Variants in CPS1 observed in about 807,000 individuals in gnomAD.
CPS1 encodes the protein carbamoyl-phosphate synthase [ammonia], mitochondrial.
In CPS1, 109 loss-of-function variants were observed where a neutral mutation model predicts 174.6. That is an observed-to-expected ratio of 0.62 (90% CI 0.53 to 0.73). The LOEUF is 0.73. CPS1 is among the 30% of genes least tolerant of loss of function. The pLI, the probability that CPS1 is intolerant of heterozygous loss-of-function variation, is 0.00. For missense variants in CPS1, 1,689 were observed against 1,821.9 expected (o/e 0.93, Z 1.33); for synonymous variants, 637 against 632.0 (o/e 1.01, Z -0.12).
chr2:210,576,793 A>G (rs888752479), intron 3 of CPS1, among the ~76,000 whole-genome samples: 3 of 152,172 alleles, frequency 2.0e-5, no homozygotes, highest in Non-Finnish European at 4.4e-5. Context: ...TCACCTTTTA[A>G]AAGGAATTTG....
upstream of CPS1, among the ~76,000 whole-genome samples, chr2:210,552,995 G>A (rs965675478): frequency 6.6e-5 from 10 of 151,948 alleles, no homozygotes; most frequent in Non-Finnish European, 1.5e-4. Flanking sequence ...CCCATATATT[G>A]CACTGGTATG....
At chr2:210,563,843 G>A (rs1306687922) in intron 1 of CPS1, among the ~76,000 whole-genome samples, 2 of 152,178 alleles carry the variant, frequency 1.3e-5, no homozygotes, top group African/African-American at 4.8e-5. Flanking sequence ...CATAGCACCA[G>A]GGACAGATGC....
At chr2:210,676,489 A>G (rs1033785909) in intron 36 of CPS1, among the ~76,000 whole-genome samples, 2 of 152,236 alleles carry the variant, frequency 1.3e-5, no homozygotes, top group African/African-American at 4.8e-5. Context: ...TCTATGCAAT[A>G]TGTTATTTGT....
At chr2:210,537,625 C>A (rs1176583973) in intron 1 of CPS1, among the ~76,000 whole-genome samples, 2 of 152,096 alleles carry the variant, frequency 1.3e-5, no homozygotes, top group Non-Finnish European at 2.9e-5. Flanking sequence ...TGTCTTATAC[C>A]ATTGATTTGT....
At chr2:210,479,284 C>T (rs549557757) in intron 1 of CPS1, among the ~76,000 whole-genome samples, 1 of 151,666 alleles carries the variant, frequency 6.6e-6, no homozygotes, top group Non-Finnish European at 1.5e-5. Context: ...CTTCTTACGA[C>T]ACCATCATAG....
At chr2:210,490,067 A>AGAAGGAAGGAAG (rs146316563) in intron 1 of CPS1, among the ~76,000 whole-genome samples, 1,887 of 150,974 alleles carry the variant, frequency 0.012, 35 homozygotes, top group African/African-American at 0.04. Context: ...GATGGAAGGA[A>AGAAGGAAGGAAG]GAAGGAAGGA....
At chr2:210,650,513 T>TC in intron 28 of CPS1, 75 bp downstream of exon 28, 2 of 1,051,440 alleles carry the variant, frequency 1.9e-6, no homozygotes, top group Non-Finnish European at 3.0e-6. Context: ...TAATAAAATG[T>TC]AGTGACATTT....
intron 1 of CPS1, among the ~76,000 whole-genome samples, chr2:210,564,315 C>G (rs1697208896): frequency 6.6e-6 from 1 of 152,112 alleles, no homozygotes; most frequent in Non-Finnish European, 1.5e-5. Context: ...TTACTTATAA[C>G]CTGTGAAAGA....
At chr2:210,645,446 C>T (rs1250192008) in intron 25 of CPS1, among the ~76,000 whole-genome samples, 1 of 152,128 alleles carries the variant, frequency 6.6e-6, no homozygotes, top group African/African-American at 2.4e-5. Context: ...TGGTCTATTA[C>T]TTCAGCATAG....
chr2:210,545,506 G>A (rs1696536571), intron 1 of CPS1, among the ~76,000 whole-genome samples: 1 of 151,812 alleles, frequency 6.6e-6, no homozygotes, highest in Admixed American at 6.6e-5. Context: ...ATACATTATG[G>A]ATTTATAATT....
chr2:210,577,451 A>C lies in CPS1; in HGVS notation c.412A>C (p.Lys138Gln), dbSNP rs1416290925. 1.9e-6 allele frequency: 3 copies of C among 1,613,924 alleles called. No homozygotes were observed. The Admixed American group carries it at 5.0e-5, about 27-fold the overall frequency. ...AGGTTTGCTGGTGCTGGATTATAGT[A>C]AAGACTACAACCACTGGCTGGCTAC... ...VSGLLVLDYS[K>Q]DYNHWLATKS... Residue 138 changes from lysine to glutamine, a missense_variant, in exon 4 of 38, where the codon AAA (lysine) becomes CAA (glutamine). Transcript: ENST00000233072.
At chr2:210,524,007 G>A (rs960551624) in intron 1 of CPS1, among the ~76,000 whole-genome samples, 2 of 152,078 alleles carry the variant, frequency 1.3e-5, no homozygotes, top group Non-Finnish European at 2.9e-5. Flanking sequence ...TGTATATTCC[G>A]CAAAGTTTTG....
At chr2:210,508,343 A>G (rs1695347958) in intron 1 of CPS1, among the ~76,000 whole-genome samples, 1 of 151,840 alleles carries the variant, frequency 6.6e-6, no homozygotes, top group Non-Finnish European at 1.5e-5. Flanking sequence ...GAACAAAGAC[A>G]CAACATACCA....
At chr2:210,605,722 G>A (rs930105974) in intron 17 of CPS1, among the ~76,000 whole-genome samples, 1 of 151,874 alleles carries the variant, frequency 6.6e-6, no homozygotes, top group Non-Finnish European at 1.5e-5. Flanking sequence ...TCAAAAAAGG[G>A]AGTTGAGAAT....
In CPS1 at chr2:210,526,382, A is replaced by T. The variant is rs564541405; in HGVS notation, c.4-30337A>T. Among the ~76,000 whole-genome samples, 288 of 48,836 alleles carry T rather than the reference A, an allele frequency of 5.9e-3. 3 individuals are homozygous for T. The highest frequency in any genetic ancestry group is 0.023 in the African/African-American group (266 of 11,660). 32.0% of individuals were successfully genotyped at this position (48,836 alleles called of 152,430 possible). On this transcript the variant is annotated intron_variant, in intron 1 of 38. Transcript: ENST00000430249. ...TGTATCCCAGACCTTAAAATATATT[A>T]AAAAAAAAAAAGAATGAGTTTTATA...
chr2:210,590,399 G>T (rs1698254884), intron 8 of CPS1, among the ~76,000 whole-genome samples, 165 bp downstream of exon 8: 1 of 152,042 alleles, frequency 6.6e-6, no homozygotes, highest in Admixed American at 6.6e-5. Flanking sequence ...GGGAACCAAT[G>T]AGGAGAGAAT....
chr2:210,478,795 C>T (rs902645653), intron 1 of CPS1, among the ~76,000 whole-genome samples: 3 of 151,936 alleles, frequency 2.0e-5, no homozygotes, highest in Admixed American at 6.6e-5. Context: ...GTGAAGCATG[C>T]GTCTAAACGG....
At chr2:210,614,882 C>T (rs948335533) in intron 20 of CPS1, among the ~76,000 whole-genome samples, 8 of 132,476 alleles carry the variant, frequency 6.0e-5, no homozygotes, top group East Asian at 2.1e-4. Flanking sequence ...CGGGGCCTGT[C>T]GGGGGGTGGG....
chr2:210,583,142 T>C (rs1697984731), intron 6 of CPS1, among the ~76,000 whole-genome samples: 1 of 152,172 alleles, frequency 6.6e-6, no homozygotes, highest in Admixed American at 6.5e-5. Context: ...AGGAAAAATA[T>C]TTATTCATAC....
Sources: allele counts gnomAD v4.1 joint callset (sites outside exome capture counted in the v4.1 genomes callset), GRCh38; gene constraint gnomAD v4.1.1; transcripts MANE v1.5; gene names NCBI Gene and HGNC (gene_info 2026-07-23, HGNC 2026-07-21).